ARB2A: variants seen among roughly 807,000 people sequenced by gnomAD.
ARB2A encodes the protein cotranscriptional regulator ARB2A.
chr5:93,918,733 ACT>A, the ARB2A span, among the ~76,000 whole-genome samples: 1 of 151,440 alleles, frequency 6.6e-6, no homozygotes, highest in Admixed American at 6.6e-5. Context: ...CAAATTTCAA[ACT>A]CTGTGTTCTC....
the ARB2A span, among the ~76,000 whole-genome samples, chr5:93,836,051 G>A: frequency 2.0e-4 from 30 of 151,710 alleles, no homozygotes; most frequent in Non-Finnish European, 3.4e-4. Context: ...TCTTTTTGAC[G>A]GAGTCTCGCT....
At chr5:93,992,432 A>G in the ARB2A span, among the ~76,000 whole-genome samples, 2 of 152,094 alleles carry the variant, frequency 1.3e-5, no homozygotes, top group Non-Finnish European at 2.9e-5. Flanking sequence ...CCTAGCAACC[A>G]TCAGTAAAAT....
the ARB2A span, among the ~76,000 whole-genome samples, chr5:93,830,277 A>C: frequency 5.1e-5 from 7 of 136,516 alleles, no homozygotes; most frequent in Non-Finnish European, 1.1e-4. Flanking sequence ...ATATGTGTGT[A>C]TATATATTTA....
chr5:93,644,400 TAA>T, the ARB2A span, among the ~76,000 whole-genome samples: 3 of 152,150 alleles, frequency 2.0e-5, no homozygotes, highest in African/African-American at 7.2e-5. Context: ...TTAATACGGA[TAA>T]ATATATGTCA....
chr5:94,027,816 T>C, the ARB2A span, among the ~76,000 whole-genome samples: 1 of 152,132 alleles, frequency 6.6e-6, no homozygotes, highest in African/African-American at 2.4e-5. Flanking sequence ...GACCTGAAAC[T>C]TGGGGTTGGT....
chr5:94,089,554 T>C, the ARB2A span, among the ~76,000 whole-genome samples: 2 of 150,948 alleles, frequency 1.3e-5, no homozygotes, highest in Non-Finnish European at 2.9e-5. Context: ...TTACTAAAAA[T>C]ACTCATATAT....
chr5:93,866,294 C>G, the ARB2A span: 1 of 981,314 alleles, frequency 1.0e-6, no homozygotes, highest in Non-Finnish European at 1.2e-6. Context: ...ATATAATGCA[C>G]CAAGATTTTC....
At chr5:93,861,201 T>C in the ARB2A span, 1 of 152,202 alleles carries the variant, frequency 6.6e-6, no homozygotes, top group Non-Finnish European at 1.5e-5. Context: ...AACCCAAACA[T>C]GCATACTATT....
chr5:94,097,867 TAC>T, the ARB2A span, among the ~76,000 whole-genome samples: 14 of 122,632 alleles, frequency 1.1e-4, no homozygotes, highest in Non-Finnish European at 1.2e-4. Flanking sequence ...CCACCGCTGG[TAC>T]ACACACACAC....
chr5:93,761,594 G>A, the ARB2A span, among the ~76,000 whole-genome samples: 9 of 152,330 alleles, frequency 5.9e-5, no homozygotes, highest in African/African-American at 2.2e-4. Context: ...TCAGCTCAAG[G>A]AGGCCTGCCT....
At chr5:94,053,758 G>T in the ARB2A span, among the ~76,000 whole-genome samples, 1 of 151,986 alleles carries the variant, frequency 6.6e-6, no homozygotes, top group Non-Finnish European at 1.5e-5. Context: ...CTCTGTCAAG[G>T]AGTTTTTCTT....
the ARB2A span, among the ~76,000 whole-genome samples, chr5:93,698,772 G>A: frequency 6.6e-6 from 1 of 152,128 alleles, no homozygotes; most frequent in Non-Finnish European, 1.5e-5. Flanking sequence ...CAAACTATAT[G>A]TTAGGCATTG....
At chr5:93,907,848 C>T in the ARB2A span, among the ~76,000 whole-genome samples, 1 of 151,322 alleles carries the variant, frequency 6.6e-6, no homozygotes, top group Non-Finnish European at 1.5e-5. Context: ...TAAATGCATG[C>T]TGAAATTTGC....
At chr5:93,911,272 A>G in the ARB2A span, among the ~76,000 whole-genome samples, 1 of 151,686 alleles carries the variant, frequency 6.6e-6, no homozygotes, top group African/African-American at 2.4e-5. Context: ...AAAGACTCAG[A>G]ATACTGTAAA....
At chr5:93,883,924 T>TACACAC in the ARB2A span, among the ~76,000 whole-genome samples, 878 of 133,946 alleles carry the variant, frequency 6.6e-3, 6 homozygotes, top group African/African-American at 0.015. Flanking sequence ...CACATACACA[T>TACACAC]ACACACACAC....
the ARB2A span, among the ~76,000 whole-genome samples, chr5:93,697,811 T>G: frequency 2.6e-4 from 39 of 152,238 alleles, no homozygotes; most frequent in African/African-American, 9.1e-4. Context: ...TGAAACATAT[T>G]TTAATATAGA....
At chr5:93,910,232 A>G in the ARB2A span, among the ~76,000 whole-genome samples, 2 of 150,848 alleles carry the variant, frequency 1.3e-5, no homozygotes, top group Non-Finnish European at 3.0e-5. Flanking sequence ...ATTACTCTTT[A>G]TTACCTATTC....
the ARB2A span, among the ~76,000 whole-genome samples, chr5:93,859,195 T>G: frequency 6.6e-6 from 1 of 152,118 alleles, no homozygotes; most frequent in African/African-American, 2.4e-5. Flanking sequence ...ATTAACCATT[T>G]TGAAAAAAAT....
chr5:94,084,274 CAAAA>C, the ARB2A span, among the ~76,000 whole-genome samples: 2 of 73,122 alleles, frequency 2.7e-5, no homozygotes, highest in Non-Finnish European at 5.7e-5. Flanking sequence ...AACTTCATCT[CAAAA>C]AAAAAAAAAA....
Sources: allele counts gnomAD v4.1 joint callset (sites outside exome capture counted in the v4.1 genomes callset), GRCh38; gene constraint gnomAD v4.1.1; transcripts MANE v1.5; gene names NCBI Gene and HGNC (gene_info 2026-07-23, HGNC 2026-07-21).